The following CERKL variants were observed in gnomAD, a reference collection of about 807,000 sequenced individuals.
CERKL encodes CERK like autophagy regulator, also known as ceramide kinase-like protein.
A neutral mutation model predicts 63.4 loss-of-function variants in CERKL; 61 were observed. The ratio of observed to expected loss-of-function variants is 0.96; its 90% CI spans 0.78 to 1.19. The LOEUF is 1.19. CERKL is among the 50% of genes most tolerant of loss of function. The pLI is 0.00. For synonymous variants in CERKL, 250 were observed against 230.5 expected, an observed-to-expected ratio of 1.08 and a Z score of -0.77; for missense variants, 675 against 655.5, an observed-to-expected ratio of 1.03 and a Z score of -0.33.
intron 2 of CERKL, among the ~76,000 whole-genome samples, chr2:181,592,876 G>A (rs1685046344): frequency 6.6e-6 from 1 of 152,106 alleles, no homozygotes; most frequent in East Asian, 1.9e-4. Flanking sequence ...GATGATGACG[G>A]TGATAATGAT....
chr2:181,632,730 C>T (rs1687020623), intron 1 of CERKL, among the ~76,000 whole-genome samples: 1 of 152,134 alleles, frequency 6.6e-6, no homozygotes, highest in South Asian at 2.1e-4. Context: ...AGGCGCTTTT[C>T]CATGAATCTC....
intron 1 of CERKL, among the ~76,000 whole-genome samples, chr2:181,617,672 G>A (rs746680940): frequency 2.6e-5 from 4 of 151,936 alleles, no homozygotes; most frequent in Non-Finnish European, 5.9e-5. Flanking sequence ...TTTCCAAAAG[G>A]CCAATACAGG....
At chr2:181,541,176 G>A (rs771283382) in intron 11 of CERKL, among the ~76,000 whole-genome samples, 3 of 152,138 alleles carry the variant, frequency 2.0e-5, no homozygotes, top group African/African-American at 7.2e-5. Flanking sequence ...CATCCAATAC[G>A]ACTGGTGTCC....
At chr2:181,554,164 C>CA (rs36086391) in intron 5 of CERKL, among the ~76,000 whole-genome samples, 7,231 of 94,000 alleles carry the variant, frequency 0.077, 303 homozygotes, top group Non-Finnish European at 0.1. Flanking sequence ...ACTATGGAGG[C>CA]AAAAAAAAAA....
intron 2 of CERKL, among the ~76,000 whole-genome samples, chr2:181,576,813 G>A (rs1339651445): frequency 6.6e-6 from 1 of 152,166 alleles, no homozygotes; most frequent in Non-Finnish European, 1.5e-5. Flanking sequence ...TTGACTCTTT[G>A]GATATAGTAT....
At position 181,651,875 on chromosome 2, in the gene CERKL, G is replaced by A. The variant is rs920432217; in HGVS notation, c.238+4894C>T. 3.4e-5 allele frequency among the ~76,000 whole-genome samples: 5 copies of A among 147,648 alleles called. 1 individual carries two copies. The highest frequency in any genetic ancestry group is 7.5e-5 in the Non-Finnish European group (5 of 66,252). On this transcript the variant is annotated intron_variant, in intron 1 of 12. Transcript: ENST00000410087. ...TCTATACACTAATATTGTACTATGT[G>A]AAAAATCAAGAAAACAATTCCATTT...
At position 181,547,674 on chromosome 2, in the gene CERKL, A is replaced by G; in HGVS notation, c.1212T>C (p.Ile404=). ...MIQGQFLNVS[I]MAIPCLCSVA... is the part of the protein sequence containing the mutation. ...CTGAACACAGGCAAGGAATTGCCAT[A>G]ATGCTGACATTCAAGAACTGACCCT... Residue 404 remains isoleucine, a synonymous_variant, in exon 10 of 13, where the codon ATT becomes ATC. Transcript: ENST00000410087. The G allele has an allele frequency of 6.2e-7, 1 of 1,614,122 alleles. No individual in the cohort carries two copies. Among genetic ancestry groups the G allele is most frequent in the Non-Finnish European group, 8.5e-7 (1 of 1,179,978 alleles).
chr2:181,596,955 CTTTTT>C (rs1000474115), intron 2 of CERKL, among the ~76,000 whole-genome samples: 1 of 152,064 alleles, frequency 6.6e-6, no homozygotes, highest in African/African-American at 2.4e-5. Context: ...AAATGCTATC[CTTTTT>C]TAATAGCACC....
chr2:181,656,738 G>C (rs1184087916), intron 1 of CERKL, 31 bp downstream of exon 1: 1 of 1,544,464 alleles, frequency 6.5e-7, no homozygotes, highest in Admixed American at 1.8e-5. Context: ...AGCGCGGAGG[G>C]AGGCGAAGAC....
intron 5 of CERKL, among the ~76,000 whole-genome samples, chr2:181,556,873 G>C (rs1484007908): frequency 6.6e-6 from 1 of 152,154 alleles, no homozygotes; most frequent in East Asian, 1.9e-4. Context: ...GTGTAAAAGT[G>C]TTCCTATTTC....
intron 3 of CERKL, among the ~76,000 whole-genome samples, chr2:181,569,083 A>C (rs768416295): frequency 3.3e-5 from 5 of 152,064 alleles, no homozygotes; most frequent in Non-Finnish European, 7.4e-5. Flanking sequence ...CCATTTTCAG[A>C]TACATATTTA....
At chr2:181,654,160 T>TAA (rs553111069) in intron 1 of CERKL, among the ~76,000 whole-genome samples, 3 of 143,230 alleles carry the variant, frequency 2.1e-5, no homozygotes, top group African/African-American at 2.6e-5. Flanking sequence ...TTTCTCTACT[T>TAA]AAAAAAAAAA....
In CERKL at chr2:181,558,715, A is replaced by T; in HGVS notation, c.678-7T>A. Reference sequence around the variant, plus strand: ...TCCACCAACACAGACAACACTAGAAAAATACAAATCAAGCAAAGAAGGCAA... The same window carrying T: ...TCCACCAACACAGACAACACTAGAATAATACAAATCAAGCAAAGAAGGCAA... On this transcript the variant is annotated splice_polypyrimidine_tract_variant and splice_region_variant and intron_variant, in intron 4 of 12. Transcript: ENST00000410087. The surrounding 1 kb of genome is among the most constrained non-coding windows in gnomAD (Gnocchi z 4.2). 6.2e-7 allele frequency: 1 copy of T among 1,613,394 alleles called. No individual in the cohort carries two copies. Among genetic ancestry groups the T allele is most frequent in the Non-Finnish European group, 8.5e-7 (1 of 1,179,642 alleles).
chr2:181,647,415 G>T (rs1687716449), intron 1 of CERKL, among the ~76,000 whole-genome samples: 1 of 152,140 alleles, frequency 6.6e-6, no homozygotes, highest in Non-Finnish European at 1.5e-5. Context: ...CAAGTGTCCA[G>T]CCTGACAACT....
chr2:181,626,890 C>A (rs1339044088), intron 1 of CERKL, among the ~76,000 whole-genome samples: 1 of 152,232 alleles, frequency 6.6e-6, no homozygotes, highest in Non-Finnish European at 1.5e-5. Flanking sequence ...CATGGACTCT[C>A]ACTGGCTGGA....
At chr2:181,650,956 C>T (rs2105545121) in intron 1 of CERKL, among the ~76,000 whole-genome samples, 1 of 152,194 alleles carries the variant, frequency 6.6e-6, no homozygotes, top group Non-Finnish European at 1.5e-5. Flanking sequence ...AAGTCCCCGA[C>T]ACATACAACC....
chr2:181,637,510 T>C (rs1481796151), intron 1 of CERKL, among the ~76,000 whole-genome samples: 3 of 152,056 alleles, frequency 2.0e-5, no homozygotes, highest in Non-Finnish European at 4.4e-5. Context: ...GAAAAACACA[T>C]ATATTGTACA....
intron 2 of CERKL, among the ~76,000 whole-genome samples, chr2:181,577,393 C>T (rs950724559): frequency 1.3e-5 from 2 of 151,954 alleles, no homozygotes; most frequent in African/African-American, 4.8e-5. Flanking sequence ...ATTATGGTCT[C>T]AAAATTTAAG....
At chr2:181,627,262 AG>A (rs1686750194) in intron 1 of CERKL, among the ~76,000 whole-genome samples, 1 of 152,184 alleles carries the variant, frequency 6.6e-6, no homozygotes, top group African/African-American at 2.4e-5. Flanking sequence ...GCCTTACAAA[AG>A]GGGGCATCCT....
Sources: allele counts gnomAD v4.1 joint callset (sites outside exome capture counted in the v4.1 genomes callset), GRCh38; gene constraint gnomAD v4.1.1; non-coding constraint Gnocchi (gnomAD v3.1); transcripts MANE v1.5; gene names NCBI Gene and HGNC (gene_info 2026-07-23, HGNC 2026-07-21).